ABI2: variants seen among roughly 807,000 people sequenced by gnomAD.
ABI2 encodes the protein abl interactor 2, also known as abelson interactor 2.
In ABI2, 25 loss-of-function variants were observed where a neutral mutation model predicts 59.2. The observed-to-expected ratio is 0.42, with a 90% confidence interval of 0.31 to 0.59. The LOEUF (loss-of-function observed/expected upper bound fraction) is 0.59, where lower values mean the gene tolerates loss of function less well. Among genes scored for constraint, ABI2 ranks in the 20% least tolerant of loss-of-function variants. The probability of loss-of-function intolerance (pLI) is 0.14; values close to 1 mark genes in which losing one functional copy is unlikely to be tolerated. For missense variants in ABI2, 545 were observed against 681.8 expected, an observed-to-expected ratio of 0.80 and a Z score of 2.23; for synonymous variants, 213 against 235.5, an observed-to-expected ratio of 0.90 and a Z score of 0.87.
At chr2:203,421,489 T>G (rs2098204397) in intron 11 of ABI2, among the ~76,000 whole-genome samples, 1 of 152,210 alleles carries the variant, frequency 6.6e-6, no homozygotes, top group Non-Finnish European at 1.5e-5. Context: ...AGTAATTCTT[T>G]TAATATGAGC....
Position 203,402,877 on chromosome 2 carries a change from T to C in ABI2, c.1192+143T>C, listed in dbSNP as rs2097277384. 7.3e-6 allele frequency: 4 copies of C among 545,820 alleles called. No individual in the cohort carries two copies. In the East Asian group the frequency reaches 1.4e-4, roughly 19 times the overall value. 33.8% of individuals were successfully genotyped at this position (545,820 alleles called of 1,614,324 possible). On this transcript the variant is annotated intron_variant, in intron 9 of 11. Transcript: ENST00000261018. Reference sequence around the variant, plus strand: ...AATGGGAGAATGAATGAATTGTAGGTTGTTAATACTGTATCTTTCAATTCT... The same window carrying C: ...AATGGGAGAATGAATGAATTGTAGGCTGTTAATACTGTATCTTTCAATTCT...
At chr2:203,395,832 A>C in intron 7 of ABI2, 52 bp downstream of exon 7, 2 of 1,499,166 alleles carry the variant, frequency 1.3e-6, no homozygotes, top group East Asian at 2.5e-5. Context: ...AATTTGATTC[A>C]ATTTGTGATT....
At chr2:203,374,546 T>G (rs1232680405) in intron 2 of ABI2, among the ~76,000 whole-genome samples, 1 of 148,026 alleles carries the variant, frequency 6.8e-6, no homozygotes, top group African/African-American at 2.5e-5. Flanking sequence ...ATTAAGGAGA[T>G]ACACTGAAGG....
intron 7 of ABI2, 66 bp from the exon 8 acceptor site, chr2:203,396,719 C>G (rs1343676107): frequency 2.1e-5 from 30 of 1,424,930 alleles, no homozygotes; most frequent in Non-Finnish European, 2.7e-5. Context: ...TACTCTAATA[C>G]CTTTTCTAAT....
chr2:203,406,474 C>T (rs972888565), intron 9 of ABI2, among the ~76,000 whole-genome samples: 21 of 152,110 alleles, frequency 1.4e-4, no homozygotes, highest in African/African-American at 4.8e-4. Flanking sequence ...GCTTAGTAAC[C>T]CCTGAATGGT....
chr2:203,332,160 TC>T (rs1164716702), intron 1 of ABI2, among the ~76,000 whole-genome samples: 2 of 152,062 alleles, frequency 1.3e-5, no homozygotes, highest in African/African-American at 4.8e-5. Flanking sequence ...TATTCTAACC[TC>T]TAGAAAATGG....
At chr2:203,427,140 T>C (rs901886265) in intron 11 of ABI2, 37 bp from the exon 12 acceptor site, 3 of 1,582,988 alleles carry the variant, frequency 1.9e-6, no homozygotes, top group Admixed American at 1.7e-5. Context: ...GGAATATTAC[T>C]GTCTTTCACA....
At chr2:203,363,280 C>T (rs2093798475) in intron 1 of ABI2, among the ~76,000 whole-genome samples, 1 of 152,134 alleles carries the variant, frequency 6.6e-6, no homozygotes, top group South Asian at 2.1e-4. Flanking sequence ...TCACCTCAAA[C>T]ATTTACCCTT....
chr2:203,336,525 C>A (rs574498400), intron 1 of ABI2, among the ~76,000 whole-genome samples: 1 of 152,186 alleles, frequency 6.6e-6, no homozygotes, highest in Admixed American at 6.5e-5. Context: ...AACAGTGCCT[C>A]ATCACCTCCT....
At chr2:203,424,572 T>TAAAA (rs2098358788) in intron 11 of ABI2, among the ~76,000 whole-genome samples, 2 of 152,006 alleles carry the variant, frequency 1.3e-5, no homozygotes, top group Admixed American at 1.3e-4. Context: ...TTTATTATTT[T>TAAAA]TATTTTTTTA....
At chr2:203,369,630 G>A (rs1288530499) in intron 2 of ABI2, among the ~76,000 whole-genome samples, 1 of 152,088 alleles carries the variant, frequency 6.6e-6, no homozygotes, top group Non-Finnish European at 1.5e-5. Flanking sequence ...GTAAAAAACA[G>A]AAGAATGGAT....
At chr2:203,406,445 C>A (rs909935818) in intron 9 of ABI2, among the ~76,000 whole-genome samples, 6 of 152,054 alleles carry the variant, frequency 3.9e-5, no homozygotes. Flanking sequence ...TATGCTGTTT[C>A]ACAAAGAGAA....
chr2:203,333,001 C>T (rs1284762848), intron 1 of ABI2, among the ~76,000 whole-genome samples: 1 of 152,060 alleles, frequency 6.6e-6, no homozygotes, highest in Non-Finnish European at 1.5e-5. Flanking sequence ...TATTTTTGAA[C>T]AATAGGAGAC....
chr2:203,392,922 T>C (rs1483342173), intron 5 of ABI2, among the ~76,000 whole-genome samples: 1 of 152,186 alleles, frequency 6.6e-6, no homozygotes, highest in Non-Finnish European at 1.5e-5. Flanking sequence ...TAACCTGTTT[T>C]TCCACATAGT....
intron 2 of ABI2, among the ~76,000 whole-genome samples, chr2:203,372,485 TCA>T (rs1277010097): frequency 6.6e-6 from 1 of 151,808 alleles, no homozygotes; most frequent in Admixed American, 6.6e-5. Flanking sequence ...GAGGGGCTCC[TCA>T]CATCCCAGTA....
At chr2:203,331,831 A>C (rs1258612198) in intron 1 of ABI2, among the ~76,000 whole-genome samples, 2 of 143,530 alleles carry the variant, frequency 1.4e-5, no homozygotes, top group African/African-American at 2.6e-5. Flanking sequence ...TTTTTTTGAC[A>C]CAGAGTTTCA....
chr2:203,414,020 C>G (rs1316829039), intron 10 of ABI2, among the ~76,000 whole-genome samples: 1 of 152,022 alleles, frequency 6.6e-6, no homozygotes, highest in Non-Finnish European at 1.5e-5. Flanking sequence ...GCCTCATCCT[C>G]TTCAGCTTCC....
chr2:203,332,253 G>A (rs886949570), intron 1 of ABI2, among the ~76,000 whole-genome samples: 1 of 152,034 alleles, frequency 6.6e-6, no homozygotes, highest in African/African-American at 2.4e-5. Context: ...TTTATTTCTT[G>A]CCTATACAAA....
chr2:203,339,259 G>A (rs1484223092), intron 1 of ABI2, among the ~76,000 whole-genome samples: 1 of 151,418 alleles, frequency 6.6e-6, no homozygotes, highest in African/African-American at 2.4e-5. Context: ...TGTGCAGTGA[G>A]AATGTAAATT....
Sources: gnomAD v4.1 joint callset for allele counts (sites outside exome capture counted in the v4.1 genomes callset) on GRCh38, gnomAD v4.1.1 for gene constraint, MANE v1.5 for transcripts, NCBI Gene and HGNC (gene_info 2026-07-23, HGNC 2026-07-21) for gene names.